The following BNIP5 variants were observed in gnomAD, a reference collection of about 807,000 sequenced individuals.
BNIP5 encodes the protein BCL2 interacting protein 5.
BNIP5 carries 61 observed loss-of-function variants against 67.3 expected under a neutral mutation model. That is an observed-to-expected ratio of 0.91 (90% CI 0.74 to 1.12). The LOEUF is 1.12. BNIP5 is among the 50% of genes most tolerant of loss of function. The pLI is 0.00. For missense variants in BNIP5, 826 were observed against 816.3 expected, an observed-to-expected ratio of 1.01 and a Z score of -0.14; for synonymous variants, 317 against 319.0, an observed-to-expected ratio of 0.99 and a Z score of 0.07.
At chr6:36,327,138 T>A (rs6923009) in intron 3 of BNIP5, 44 bp from the exon 4 acceptor site, 1,031,588 of 1,526,394 alleles carry the variant, frequency 0.68, 352,557 homozygotes, top group African/African-American at 0.94. Context: ...CTAAATGCAC[T>A]GACAACTCCT....
chr6:36,330,328 C>A lies in BNIP5; in HGVS notation c.363G>T (p.Arg121Ser), dbSNP rs951956757. Residue 121 changes from arginine (R) to serine (S), a missense_variant, in exon 2 of 12, where the codon AGG becomes AGT. Coordinates refer to ENST00000437635, the MANE Select transcript of BNIP5 (RefSeq NM_001010903.5). ...AGATACCCTCCTTCCCCCTTGGCCT[C>A]CTGCTGGCCTTTTCTCTGGGCTCCT... ...GPEEPREKAS[R>S]RPRGKEGISQ... 1 of 1,614,110 alleles carries A rather than the reference C, an allele frequency of 6.2e-7. No homozygotes were observed. The highest frequency in any genetic ancestry group is 8.5e-7 in the Non-Finnish European group (1 of 1,180,052).
At chr6:36,329,992 C>T (rs939168355) in intron 2 of BNIP5, 89 bp downstream of exon 2, 96 of 1,432,726 alleles carry the variant, frequency 6.7e-5, no homozygotes, top group Middle Eastern at 4.9e-4. Context: ...ACAGCTCCCC[C>T]GACTATCCCT....
intron 1 of BNIP5, among the ~76,000 whole-genome samples, chr6:36,333,495 T>G (rs957648312): frequency 2.0e-5 from 3 of 152,216 alleles, no homozygotes; most frequent in Non-Finnish European, 4.4e-5. Flanking sequence ...GAAGAGATCA[T>G]AGAGGAAAAT....
Position 36,327,044 on chromosome 6 carries a change from G to T in BNIP5, c.778C>A (p.Gln260Lys), listed in dbSNP as rs748454840. Reference sequence around the variant, plus strand: ...TTACTCCTCACCTCTTCTTCCCACTGGTCTCCCACTCTTTTGAGCAATTCC... The same window carrying T: ...TTACTCCTCACCTCTTCTTCCCACTTGTCTCCCACTCTTTTGAGCAATTCC... ...IVELLKRVGD[Q>K]WEEEQSLASQ... Residue 260 changes from glutamine (Q) to lysine (K), a missense_variant, in exon 4 of 12, where the codon CAG becomes AAG. Gln to Lys is a moderately conservative substitution (Grantham distance 53). Transcript: ENST00000437635. 2.5e-6 allele frequency: 4 copies of T among 1,613,862 alleles called. No homozygotes were observed. The East Asian group carries it at 8.9e-5, about 36-fold the overall frequency.
chr6:36,325,672 C>T (rs996179868), intron 5 of BNIP5, among the ~76,000 whole-genome samples: 7 of 152,170 alleles, frequency 4.6e-5, no homozygotes, highest in African/African-American at 1.7e-4. Context: ...TTGACTTGAT[C>T]CACAAGTTGA....
Position 36,319,413 on chromosome 6 carries a change from G to A in BNIP5, c.1866C>T (p.Leu622=). 1.2e-6 allele frequency: 2 copies of A among 1,614,186 alleles called. No homozygotes were observed. Among genetic ancestry groups the A allele is most frequent in the Non-Finnish European group, 1.7e-6 (2 of 1,180,024 alleles). ...AGSNSHAMCI[L]MGLRDHYNCT... is the part of the protein sequence containing the mutation. ...AATTGTAGTGGTCTCTTAGGCCCAT[G>A]AGGATGCACATGGCATGGCTGTTGC... The change falls in exon 11 of 12, where the codon CTC becomes CTT. Residue 622 remains leucine, a synonymous_variant. Transcript: ENST00000437635.
At chr6:36,323,809 G>C (rs1185664644) in intron 7 of BNIP5, among the ~76,000 whole-genome samples, 1 of 152,104 alleles carries the variant, frequency 6.6e-6, no homozygotes, top group South Asian at 2.1e-4. Context: ...AGACCAGCCT[G>C]GCCAATATGG....
intron 6 of BNIP5, among the ~76,000 whole-genome samples, chr6:36,324,575 TTATATATATATATATATATA>T (rs58409463): frequency 6.1e-4 from 31 of 50,816 alleles, no homozygotes; most frequent in South Asian, 9.3e-4. Context: ...GACGGTGATA[TTATATATATATATATATATA>T]TATATATATA....
intron 1 of BNIP5, among the ~76,000 whole-genome samples, chr6:36,334,952 T>C (rs1771980893): frequency 6.6e-6 from 1 of 152,192 alleles, no homozygotes; most frequent in Admixed American, 6.5e-5. Context: ...CCAGCTGATC[T>C]TGTAAACTTG....
In BNIP5 at chr6:36,317,061, T is replaced by G; in HGVS notation, c.*295A>C. The G allele has an allele frequency of 4.3e-6, 2 of 467,054 alleles. No individual in the cohort carries two copies. The highest frequency in any genetic ancestry group is 3.8e-6 in the Non-Finnish European group (1 of 266,050). The allele number at this position is 467,054 out of a possible 1,614,324, so 28.9% of individuals were successfully genotyped here. A position where few individuals can be genotyped will look rare whatever the true frequency, so the allele number is the denominator to read the frequency against. On this transcript the variant is annotated 3_prime_UTR_variant, in exon 12 of 12. Coordinates refer to ENST00000437635, the MANE Select transcript of BNIP5 (RefSeq NM_001010903.5). ...TCCAAAGTCTGGAGAGGAGGGGGAA[T>G]GTGTAGAGGGTCATGCAGCAAGTCT...
rs759246645 is a variant in BNIP5, at chr6:36,326,710, G to C, written c.836C>G (p.Ala279Gly). Residue 279 changes from alanine (A) to glycine (G), a missense_variant, in exon 5 of 12, where the codon GCA (alanine) becomes GGA (glycine). Ala to Gly is a moderately conservative substitution (Grantham distance 60). Transcript: ENST00000437635. ...SQLGVALPNP[A>G]PAVRKKSQEK... ...TTGGGATTTCTTCCTAACAGCTGGT[G>C]CTGGGTTTGGCAGGGCCACCCCCAG... 1.9e-6 allele frequency: 3 copies of C among 1,614,236 alleles called. No individual in the cohort carries two copies. The African/African-American group carries it at 4.0e-5, about 22-fold the overall frequency.
rs151098368 is a variant in BNIP5, at chr6:36,330,190, C to T, written c.501G>A (p.Glu167=). 4 of 1,614,026 alleles carry T rather than the reference C, an allele frequency of 2.5e-6. No homozygotes were observed. The highest frequency in any genetic ancestry group is 2.7e-5 in the African/African-American group (2 of 74,928). The change falls in exon 2 of 12, where the codon GAG becomes GAA. Residue 167 remains glutamate, a synonymous_variant. Transcript: ENST00000437635. ...KKQGHKKHAA[E]VTKAAQDQEA... is the part of the protein sequence containing the mutation. ...CCTGGTCTTGAGCTGCCTTAGTCAC[C>T]TCGGCCGCGTGTTTCTTGTGACCTT...
chr6:36,331,845 C>T (rs985890379), intron 1 of BNIP5, among the ~76,000 whole-genome samples: 2 of 151,956 alleles, frequency 1.3e-5, no homozygotes, highest in African/African-American at 4.8e-5. Context: ...TTCTTTTACC[C>T]CCACATCGAC....
At position 36,324,117 on chromosome 6, in the gene BNIP5, C is replaced by G; in HGVS notation, c.1230+12G>C. On this transcript the variant is annotated intron_variant, in intron 7 of 11. Coordinates refer to ENST00000437635, the MANE Select transcript of BNIP5 (RefSeq NM_001010903.5). ...AGTGAGGTCAGGGTTACATGGGGAG[C>G]GTCTTCCTCACCTCCTCTCCTTGCT... is the stretch of plus-strand genomic sequence containing the variant. The G allele has an allele frequency of 6.2e-7, 1 of 1,608,886 alleles. No homozygotes were observed. The highest frequency in any genetic ancestry group is 8.5e-7 in the Non-Finnish European group (1 of 1,175,348).
intron 2 of BNIP5, 114 bp from the exon 3 acceptor site, chr6:36,328,828 C>T: frequency 2.7e-6 from 2 of 744,918 alleles, no homozygotes; most frequent in Admixed American, 1.9e-5. Flanking sequence ...CACAGTGCAA[C>T]AGGTGCTGCT....
At chr6:36,327,309 G>C (rs181124224) in intron 3 of BNIP5, among the ~76,000 whole-genome samples, 14 of 152,316 alleles carry the variant, frequency 9.2e-5, no homozygotes, top group Admixed American at 7.8e-4. Flanking sequence ...GGAAATTTCA[G>C]GTCAGCCCTT....
At chr6:36,334,122 G>A (rs763308756) in intron 1 of BNIP5, among the ~76,000 whole-genome samples, 20 of 152,218 alleles carry the variant, frequency 1.3e-4, no homozygotes, top group Non-Finnish European at 1.3e-4. Flanking sequence ...CCAAGGACAC[G>A]CTGCTCCTCC....
At chr6:36,326,838 C>T in intron 4 of BNIP5, 85 bp from the exon 5 acceptor site, 1 of 1,580,906 alleles carries the variant, frequency 6.3e-7, no homozygotes. Flanking sequence ...AGCAGCCAAG[C>T]TGCAAGATGG....
rs1771525940 is a variant in BNIP5, at chr6:36,316,887, A to C, written c.*469T>G. ...TGAAGAACTACTGGTCAACTGAAGA[A>C]ATGATGGGATACACTTCGATGCATA... On this transcript the variant is annotated 3_prime_UTR_variant, in exon 12 of 12. Coordinates refer to ENST00000437635, the MANE Select transcript of BNIP5 (RefSeq NM_001010903.5). The C allele has an allele frequency of 5.0e-6, 2 of 401,926 alleles. No homozygotes were observed. Among genetic ancestry groups the C allele is most frequent in the African/African-American group, 2.1e-5 (1 of 48,676 alleles). 24.9% of individuals were successfully genotyped at this position (401,926 alleles called of 1,614,324 possible). A position where few individuals can be genotyped will look rare whatever the true frequency, so the allele number is the denominator to read the frequency against.
Sources: allele counts gnomAD v4.1 joint callset (sites outside exome capture counted in the v4.1 genomes callset), GRCh38; gene constraint gnomAD v4.1.1; transcripts MANE v1.5; gene names NCBI Gene and HGNC (gene_info 2026-07-23, HGNC 2026-07-21).